WEE1: variants seen among roughly 807,000 people sequenced by gnomAD.
WEE1 encodes the protein WEE1 G2 checkpoint kinase, also known as wee1-like protein kinase.
In WEE1, 16 loss-of-function variants were observed where a neutral mutation model predicts 68.8. That is an observed-to-expected ratio of 0.23 (90% CI 0.16 to 0.35). The LOEUF is 0.35. Among genes scored for constraint, WEE1 ranks in the 10% least tolerant of loss-of-function variants. The pLI, the probability that WEE1 is intolerant of heterozygous loss-of-function variation, is 1.00. For missense variants in WEE1, 651 were observed against 824.1 expected (o/e 0.79, Z 2.57); for synonymous variants, 349 against 318.7 (o/e 1.09, Z -1.01).
At chr11:9,587,637 T>G (rs927762782) in intron 10 of WEE1, among the ~76,000 whole-genome samples, 4 of 152,186 alleles carry the variant, frequency 2.6e-5, no homozygotes, top group Non-Finnish European at 5.9e-5. Flanking sequence ...CTTAATGACT[T>G]GATATTTTCA....
At chr11:9,578,099 T>C in intron 5 of WEE1, 1 of 334,980 alleles carries the variant, frequency 3.0e-6, no homozygotes, top group South Asian at 2.4e-5. Flanking sequence ...CCCTCAAACC[T>C]TGTTACGACA....
intron 1 of WEE1, chr11:9,575,319 A>G (rs2134339156): frequency 1.0e-6 from 1 of 987,868 alleles, no homozygotes; most frequent in Non-Finnish European, 1.2e-6. Flanking sequence ...TGATACTTCC[A>G]GAGATTAAGA....
chr11:9,574,210 C>A lies in WEE1; in HGVS notation c.277C>A (p.Leu93Met). ...CAGCCCCGGCGAGCTGGAGGAGGACCTGTTGCTGCCCGGCGCCTGCCCGGG... is the reference window on the plus strand; with the variant it reads ...CAGCCCCGGCGAGCTGGAGGAGGACATGTTGCTGCCCGGCGCCTGCCCGGG... Reference protein sequence around the residue: ...PGSPGELEEDLLLPGACPGAD... With the variant: ...PGSPGELEEDMLLPGACPGAD... The change falls in exon 1 of 11, where the codon CTG (leucine) becomes ATG (methionine). Residue 93 changes from leucine (L) to methionine (M), a missense_variant. Around this residue, in one of 5 missense-constraint regions of WEE1, gnomAD observed 395 missense variants for 378.4 expected, o/e 1.04. Transcript: ENST00000450114. This position sits in a 1 kb window ranked among gnomAD's most constrained non-coding sequence, Gnocchi z 4.9. The A allele has an allele frequency of 1.7e-6, 2 of 1,181,984 alleles. No individual in the cohort carries two copies. Among genetic ancestry groups the A allele is most frequent in the Non-Finnish European group, 1.0e-6 (1 of 955,994 alleles). 73.2% of individuals were successfully genotyped at this position (1,181,984 alleles called of 1,614,324 possible).
intron 8 of WEE1, among the ~76,000 whole-genome samples, 169 bp from the exon 9 acceptor site, chr11:9,586,276 AAAAT>A (rs1261695196): frequency 6.6e-6 from 1 of 152,202 alleles, no homozygotes; most frequent in Non-Finnish European, 1.5e-5. Context: ...TGTAATTTAA[AAAAT>A]AAACATCCTC....
chr11:9,580,794 A>G (rs962838794), intron 5 of WEE1: 1 of 152,244 alleles, frequency 6.6e-6, no homozygotes, highest in Non-Finnish European at 1.5e-5. Context: ...ATGGAATTCT[A>G]TAAAGACAAG....
intron 1 of WEE1, chr11:9,575,256 A>G (rs1849552600): frequency 2.0e-6 from 2 of 985,746 alleles, no homozygotes; most frequent in Non-Finnish European, 2.4e-6. Context: ...GTGTTTTGAA[A>G]GGCCTTCGAG....
intron 5 of WEE1, chr11:9,577,830 T>C (rs1403831301): frequency 2.2e-6 from 1 of 454,490 alleles, no homozygotes; most frequent in Non-Finnish European, 4.4e-6. Context: ...TCCTCTCCCC[T>C]AAGGATGAAA....
In WEE1 at chr11:9,574,729, A is replaced by G. The variant is rs971973023; in HGVS notation, c.576+220A>G. On this transcript the variant is annotated intron_variant, in intron 1 of 10. Transcript: ENST00000450114. This position sits in a 1 kb window ranked among gnomAD's most constrained non-coding sequence, Gnocchi z 4.9. Reference sequence around the variant, plus strand: ...GCCTCGTCTGGAACTTCATCTTACAAAGGGGCCGATCGGCCCGTCCGGGTG... The same window carrying G: ...GCCTCGTCTGGAACTTCATCTTACAGAGGGGCCGATCGGCCCGTCCGGGTG... 3.9e-6 allele frequency: 4 copies of G among 1,020,374 alleles called. No homozygotes were observed. Among genetic ancestry groups the G allele is most frequent in the Admixed American group, 1.2e-4 (2 of 17,378 alleles). The allele number at this position is 1,020,374 out of a possible 1,614,324, so 63.2% of individuals were successfully genotyped here.
chr11:9,576,266 G>C lies in WEE1; in HGVS notation c.819G>C (p.Glu273Asp), dbSNP rs1432901315. The change falls in exon 3 of 11, where the codon GAG becomes GAC. Residue 273 changes from glutamate (E) to aspartate (D), a missense_variant. Around this residue, in one of 5 missense-constraint regions of WEE1, gnomAD observed 395 missense variants for 378.4 expected, o/e 1.04. Coordinates refer to ENST00000450114, the MANE Select transcript of WEE1 (RefSeq NM_003390.4). This position sits in a 1 kb window ranked among gnomAD's most constrained non-coding sequence, Gnocchi z 4.3. The stretch of plus-strand genomic sequence containing the variant: ...AAGACATGGAAGCCAGTGATTATGA[G>C]CTTGAAGATGAAACAAGACCTGCTA... ...CGEDMEASDY[E>D]LEDETRPAKR... is the part of the protein sequence containing the mutation. The C allele has an allele frequency of 2.0e-6, 3 of 1,519,734 alleles. No individual in the cohort carries two copies. In the Admixed American group the frequency reaches 5.9e-5, roughly 30 times the overall value. The allele number at this position is 1,519,734 out of a possible 1,614,324, so 94.1% of individuals were successfully genotyped here.
intron 1 of WEE1, 163 bp from the exon 2 acceptor site, chr11:9,575,725 C>T: frequency 1.6e-6 from 1 of 641,344 alleles, no homozygotes; most frequent in Non-Finnish European, 2.7e-6. Flanking sequence ...CTTCAGTCTT[C>T]CTAAATTAGC....
In WEE1 at chr11:9,581,552, A is replaced by G. The variant is rs767383358; in HGVS notation, c.1162A>G (p.Ile388Val). Residue 388 changes from isoleucine to valine, a missense_variant, in exon 6 of 11, where the codon ATA becomes GTA. This residue lies in a region of WEE1 where 82 missense variants were observed against 123.2 expected (regional missense o/e 0.67). Coordinates refer to ENST00000450114, the MANE Select transcript of WEE1 (RefSeq NM_003390.4). Reference sequence around the variant, plus strand: ...GTTAGGTGGAAGTTTAGCTGATGCTATAAGTGAAAACTACAGAATCATGAG... The same window carrying G: ...GTTAGGTGGAAGTTTAGCTGATGCTGTAAGTGAAAACTACAGAATCATGAG... ...YCNGGSLADA[I>V]SENYRIMSYF... The G allele has an allele frequency of 1.1e-5, 18 of 1,600,728 alleles. No individual in the cohort carries two copies. The highest frequency in any genetic ancestry group is 2.3e-5 in the South Asian group (2 of 88,798).
At chr11:9,583,433 G>A (rs889573320) in intron 6 of WEE1, among the ~76,000 whole-genome samples, 18 of 151,512 alleles carry the variant, frequency 1.2e-4, no homozygotes, top group African/African-American at 4.1e-4. Flanking sequence ...TGGACAACAC[G>A]GTGAAACCTC....
chr11:9,581,495 GA>G lies in WEE1; in HGVS notation c.1142-34del, dbSNP rs574288117. On this transcript the variant is annotated intron_variant, in intron 5 of 10. Transcript: ENST00000450114. Reference sequence around the variant, plus strand: ...AAGATGGAAGAAAGAAAATATTTCAGAAAGAAGAAAATGCTAATATTTTCTA... The same window carrying G: ...AAGATGGAAGAAAGAAAATATTTCAGAAGAAGAAAATGCTAATATTTTCTA... The G allele has an allele frequency of 2.1e-4, 323 of 1,558,136 alleles. 3 individuals are homozygous for G. In the African/African-American group the frequency reaches 3.3e-3, roughly 16 times the overall value.
At chr11:9,579,098 G>C (rs1849596417) in intron 5 of WEE1, 1 of 151,858 alleles carries the variant, frequency 6.6e-6, no homozygotes. Context: ...GTAGAGATGG[G>C]GTTTCACCAT....
intron 6 of WEE1, among the ~76,000 whole-genome samples, chr11:9,584,088 C>T (rs35198914): frequency 0.18 from 26,600 of 151,370 alleles, 3,103 homozygotes; most frequent in Non-Finnish European, 0.26. Flanking sequence ...TCAAGTGATC[C>T]GCCCACCTTG....
Position 9,586,484 on chromosome 11 carries a change from G to T in WEE1, c.1506G>T (p.Ala502=). The T allele has an allele frequency of 1.9e-6, 3 of 1,613,146 alleles. No individual in the cohort carries two copies. Among genetic ancestry groups the T allele is most frequent in the Non-Finnish European group, 2.5e-6 (3 of 1,179,748 alleles). The part of the protein sequence containing the change: ...YTHLPKADIF[A]LALTVVCAAG... ...ATCTACCAAAAGCAGATATTTTTGC[G>T]CTTGCCCTCACAGTGGTATGTGCTG... Residue 502 remains alanine, a synonymous_variant, in exon 9 of 11, where the codon GCG becomes GCT. Transcript: ENST00000450114.
At chr11:9,577,389 T>C (rs1849575785) in intron 5 of WEE1, 126 bp downstream of exon 5, 1 of 1,233,278 alleles carries the variant, frequency 8.1e-7, no homozygotes, top group South Asian at 1.5e-5. Flanking sequence ...ATCAGAGACC[T>C]AACATAAATT....
rs138462032 is a variant in WEE1 at position 9,581,550 on chromosome 11, C to G, written c.1160C>G (p.Ala387Gly). Residue 387 changes from alanine (A) to glycine (G), a missense_variant, in exon 6 of 11, where the codon GCT becomes GGT. Physicochemically the swap from Ala to Gly is moderately conservative, Grantham distance 60. Transcript: ENST00000450114. Reference sequence around the variant, plus strand: ...TTGTTAGGTGGAAGTTTAGCTGATGCTATAAGTGAAAACTACAGAATCATG... The same window carrying G: ...TTGTTAGGTGGAAGTTTAGCTGATGGTATAAGTGAAAACTACAGAATCATG... ...EYCNGGSLAD[A>G]ISENYRIMSY... is the part of the protein sequence containing the mutation. The G allele has an allele frequency of 5.6e-5, 90 of 1,599,936 alleles. No individual in the cohort carries two copies. The highest frequency in any genetic ancestry group is 1.2e-5 in the Non-Finnish European group (14 of 1,177,042).
intron 10 of WEE1, 91 bp downstream of exon 10, chr11:9,586,947 A>C: frequency 7.1e-7 from 1 of 1,398,674 alleles, no homozygotes; most frequent in Non-Finnish European, 9.6e-7. Flanking sequence ...TCTGTCAACA[A>C]AGGATGTAGT....
Sources: allele counts gnomAD v4.1 joint callset (sites outside exome capture counted in the v4.1 genomes callset), GRCh38; gene constraint gnomAD v4.1.1; regional missense constraint gnomAD v4.1.1; non-coding constraint Gnocchi (gnomAD v3.1); transcripts MANE v1.5; gene names NCBI Gene and HGNC (gene_info 2026-07-23, HGNC 2026-07-21).